Variants in MECOM observed in about 807,000 individuals in gnomAD.
MECOM encodes the protein MDS1 and EVI1 complex locus.
A neutral mutation model predicts 116.3 loss-of-function variants in MECOM; 13 were observed. The ratio of observed to expected loss-of-function variants is 0.11; its 90% CI spans 0.07 to 0.18. The LOEUF (loss-of-function observed/expected upper bound fraction) is 0.18. MECOM is among the 10% of genes least tolerant of loss of function. MECOM has a pLI of 1.00. For missense variants in MECOM, 1,299 were observed against 1,509.0 expected (o/e 0.86, Z 2.31); for synonymous variants, 528 against 535.2 (o/e 0.99, Z 0.19).
chr3:169,587,737 A>G (rs918385031), intron 1 of MECOM, among the ~76,000 whole-genome samples: 2 of 152,194 alleles, frequency 1.3e-5, no homozygotes, highest in Admixed American at 1.3e-4. Context: ...TTTAACTGCA[A>G]ACAGTTACAT....
chr3:169,425,074 TA>T (rs1226958415), intron 1 of MECOM, among the ~76,000 whole-genome samples: 1 of 146,658 alleles, frequency 6.8e-6, no homozygotes, highest in African/African-American at 2.5e-5. Flanking sequence ...AGAGGAAAAT[TA>T]AAATTTAGTG....
intron 2 of MECOM, among the ~76,000 whole-genome samples, chr3:169,378,136 C>G (rs1250751741): frequency 6.6e-6 from 1 of 150,784 alleles, no homozygotes; most frequent in East Asian, 2.0e-4. Context: ...AACACATGGA[C>G]AGAGAGAGGG....
At chr3:169,491,069 A>G (rs1441371209) in intron 1 of MECOM, among the ~76,000 whole-genome samples, 1 of 151,820 alleles carries the variant, frequency 6.6e-6, no homozygotes, top group Non-Finnish European at 1.5e-5. Context: ...CGTTGCCCAA[A>G]CCAGTCTTAA....
intron 1 of MECOM, among the ~76,000 whole-genome samples, chr3:169,520,273 T>C (rs1033244198): frequency 6.6e-6 from 1 of 152,246 alleles, no homozygotes; most frequent in African/African-American, 2.4e-5. Flanking sequence ...TCTTTGTCTT[T>C]TATTTTTCAT....
chr3:169,496,331 AT>A (rs1349822853), intron 1 of MECOM, among the ~76,000 whole-genome samples: 1 of 152,256 alleles, frequency 6.6e-6, no homozygotes, highest in African/African-American at 2.4e-5. Flanking sequence ...GCATATGGAA[AT>A]TATTATCCCT....
chr3:169,367,924 A>G (rs987478068), intron 2 of MECOM, among the ~76,000 whole-genome samples: 1 of 152,088 alleles, frequency 6.6e-6, no homozygotes, highest in Non-Finnish European at 1.5e-5. Context: ...GCTGTGGAGC[A>G]CTTCAGTGAG....
chr3:169,295,179 C>T (rs975356363), intron 2 of MECOM, among the ~76,000 whole-genome samples: 1 of 152,108 alleles, frequency 6.6e-6, no homozygotes, highest in Non-Finnish European at 1.5e-5. Flanking sequence ...CCCACTTTCA[C>T]CATAGGATCT....
chr3:169,146,560 C>G, intron 2 of MECOM: 1 of 1,376,242 alleles, frequency 7.3e-7, no homozygotes, highest in Non-Finnish European at 9.7e-7. Context: ...GGCTTAGCAA[C>G]GTAGATAAGC....
rs1160087041 is a variant in MECOM, at chr3:169,263,136, T to G, written c.375+118051A>C. Among the ~76,000 whole-genome samples, 12 of 120,872 alleles carry G rather than the reference T, an allele frequency of 9.9e-5. 1 individual carries two copies. Among genetic ancestry groups the G allele is most frequent in the Non-Finnish European group, 2.0e-4 (12 of 58,614 alleles). 79.3% of individuals were successfully genotyped at this position (120,872 alleles called of 152,430 possible). On this transcript the variant is annotated intron_variant, in intron 2 of 16. Coordinates refer to ENST00000651503, the MANE Select transcript of MECOM (RefSeq NM_004991.4). ...ATATATATATATATATATGTTTTTT[T>G]TTTTTTTTTTGAGACAGAGTCTCGC...
intron 3 of MECOM, among the ~76,000 whole-genome samples, chr3:169,132,671 C>T (rs1179441925): frequency 1.3e-5 from 2 of 152,082 alleles, no homozygotes; most frequent in Non-Finnish European, 2.9e-5. Context: ...ATATATTCTT[C>T]TCTCTCTTTA....
intron 1 of MECOM, among the ~76,000 whole-genome samples, chr3:169,534,721 C>G (rs184981648): frequency 6.6e-6 from 1 of 152,190 alleles, no homozygotes; most frequent in African/African-American, 2.4e-5. Flanking sequence ...CTAACACATG[C>G]AATCCTCATC....
At chr3:169,564,831 C>A (rs375867234) in intron 1 of MECOM, among the ~76,000 whole-genome samples, 221 of 146,934 alleles carry the variant, frequency 1.5e-3, no homozygotes, top group African/African-American at 5.8e-3. Context: ...ATGCTGCAAA[C>A]TAAACCTGGA....
chr3:169,101,027 C>T lies in MECOM; in HGVS notation c.2772-65G>A. The stretch of plus-strand genomic sequence containing the variant: ...TTGACTATATTTCACTCATGCCACA[C>T]AGCAGCCAGATGCTTATTCCTGATT... On this transcript the variant is annotated intron_variant, in intron 11 of 16. Coordinates refer to ENST00000651503, the MANE Select transcript of MECOM (RefSeq NM_004991.4). 2.6e-6 allele frequency: 3 copies of T among 1,133,464 alleles called. 1 individual carries two copies. In the South Asian group the frequency reaches 4.3e-5, roughly 16 times the overall value. The allele number at this position is 1,133,464 out of a possible 1,614,324, so 70.2% of individuals were successfully genotyped here.
chr3:169,161,941 G>A (rs775339996), intron 2 of MECOM, among the ~76,000 whole-genome samples: 21 of 152,178 alleles, frequency 1.4e-4, no homozygotes, highest in Non-Finnish European at 2.4e-4. Context: ...GGTGACTGAA[G>A]CTGCCATTTT....
intron 1 of MECOM, among the ~76,000 whole-genome samples, chr3:169,644,216 G>A (rs557156240): frequency 9.0e-4 from 136 of 151,736 alleles, no homozygotes; most frequent in African/African-American, 2.9e-3. Context: ...TCAGTTCCTC[G>A]CATTTTATTT....
chr3:169,243,262 T>C (rs1202382961), intron 2 of MECOM, among the ~76,000 whole-genome samples: 1 of 152,184 alleles, frequency 6.6e-6, no homozygotes, highest in Non-Finnish European at 1.5e-5. Context: ...AGATGATTTG[T>C]ATGTGGCTTG....
intron 2 of MECOM, among the ~76,000 whole-genome samples, chr3:169,365,580 A>G (rs972994597): frequency 2.0e-5 from 3 of 152,036 alleles, no homozygotes; most frequent in Non-Finnish European, 4.4e-5. Context: ...ACCTAAGGGA[A>G]TTAGCAATTA....
chr3:169,139,260 A>G (rs1310055039), intron 3 of MECOM, among the ~76,000 whole-genome samples: 1 of 152,016 alleles, frequency 6.6e-6, no homozygotes, highest in Non-Finnish European at 1.5e-5. Context: ...CTCTTTTTCT[A>G]CTTACTAAAT....
intron 1 of MECOM, among the ~76,000 whole-genome samples, chr3:169,457,863 C>A (rs192949896): frequency 6.6e-6 from 1 of 152,104 alleles, no homozygotes; most frequent in Non-Finnish European, 1.5e-5. Flanking sequence ...AAAGCATACA[C>A]GAAAATGTGA....
Sources: allele counts gnomAD v4.1 joint callset (sites outside exome capture counted in the v4.1 genomes callset), GRCh38; gene constraint gnomAD v4.1.1; transcripts MANE v1.5; gene names NCBI Gene and HGNC (gene_info 2026-07-23, HGNC 2026-07-21).